Variants in TEX14 observed in about 807,000 individuals in gnomAD.
The protein encoded by TEX14 is inactive serine/threonine-protein kinase TEX14.
A neutral mutation model predicts 178.6 loss-of-function variants in TEX14; 168 were observed. The ratio of observed to expected loss-of-function variants is 0.94; its 90% CI spans 0.83 to 1.07. The LOEUF is 1.07. Ranked by LOEUF, TEX14 falls within the 50% of genes least tolerant of loss-of-function variation. The pLI is 0.00. For synonymous variants in TEX14, 626 were observed against 634.1 expected (o/e 0.99, Z 0.19); for missense variants, 1,730 against 1,753.6 (o/e 0.99, Z 0.24).
In TEX14 at chr17:58,609,802, TG is replaced by T. The variant is rs537194262; in HGVS notation, c.1184+1358del. Among the ~76,000 whole-genome samples the T allele has an allele frequency of 2.3e-3, 354 of 152,340 alleles. 1 individual carries two copies. Among genetic ancestry groups the T allele is most frequent in the African/African-American group, 8.2e-3 (341 of 41,580 alleles). On this transcript the variant is annotated intron_variant, in intron 10 of 31. Transcript: ENST00000349033. ...AGTGCACATACGCAAAGGCCTGTTC[TG>T]GGCATTTGAGATATAGCAGTAAATA...
At chr17:58,671,751 G>T (rs1260087822) in intron 1 of TEX14, among the ~76,000 whole-genome samples, 1 of 152,022 alleles carries the variant, frequency 6.6e-6, no homozygotes, top group Admixed American at 6.6e-5. Flanking sequence ...TCGTTTTCTT[G>T]TTCTATTTTC....
At chr17:58,690,357 G>A (rs1196724146) in intron 1 of TEX14, among the ~76,000 whole-genome samples, 1 of 151,984 alleles carries the variant, frequency 6.6e-6, no homozygotes, top group Non-Finnish European at 1.5e-5. Flanking sequence ...GTAGAGATGG[G>A]GTTTTGCCCT....
chr17:58,593,923 C>T (rs1415281762), intron 14 of TEX14, among the ~76,000 whole-genome samples: 4 of 152,034 alleles, frequency 2.6e-5, no homozygotes, highest in African/African-American at 7.2e-5. Context: ...CAACCTCCGC[C>T]TCTCAGGTTC....
In TEX14 at chr17:58,611,216, G is replaced by A. The variant is rs1196513930; in HGVS notation, c.1129C>T (p.His377Tyr). 3 of 1,613,774 alleles carry A rather than the reference G, an allele frequency of 1.9e-6. No homozygotes were observed. Among genetic ancestry groups the A allele is most frequent in the African/African-American group, 1.3e-5 (1 of 74,892 alleles). Reference sequence around the variant, plus strand: ...CTCGCTTCACCTGGGGAGATGATATGGACAGCATAGGAGCTGAGGGAGCGG... The same window carrying A: ...CTCGCTTCACCTGGGGAGATGATATAGACAGCATAGGAGCTGAGGGAGCGG... ...IHRSLSSYAV[H>Y]IISPGEARLT... The change falls in exon 10 of 32, where the codon CAT (histidine) becomes TAT (tyrosine). Residue 377 changes from histidine to tyrosine, a missense_variant. His to Tyr is a moderately conservative substitution (Grantham distance 83). Around this residue, in one of 2 missense-constraint regions of TEX14, gnomAD observed 789 missense variants for 681.2 expected, o/e 1.16. Transcript: ENST00000349033.
chr17:58,609,330 C>G (rs1318628079), intron 10 of TEX14, among the ~76,000 whole-genome samples: 1 of 152,046 alleles, frequency 6.6e-6, no homozygotes, highest in East Asian at 1.9e-4. Flanking sequence ...AGGATGGTCT[C>G]GATTTCCTGA....
chr17:58,579,173 A>G (rs1419746840), intron 20 of TEX14, among the ~76,000 whole-genome samples: 1 of 152,254 alleles, frequency 6.6e-6, no homozygotes, highest in Non-Finnish European at 1.5e-5. Flanking sequence ...TTGAATCTGC[A>G]TTGTTAACTG....
chr17:58,644,350 T>G (rs544291825), intron 2 of TEX14, among the ~76,000 whole-genome samples: 7 of 152,324 alleles, frequency 4.6e-5, no homozygotes, highest in Admixed American at 2.0e-4. Context: ...TTGTTTTTTT[T>G]GAGACGGAGT....
In TEX14 at chr17:58,569,955, G is replaced by A. The variant is rs987737644; in HGVS notation, c.3817+430C>T. ...ATTTATGTATAAAGAGCAAAAATTG[G>A]AAAATGATATAAATCTTAAACATAA... On this transcript the variant is annotated intron_variant, in intron 25 of 31. Transcript: ENST00000349033. The surrounding 1 kb of genome is among the most constrained non-coding windows in gnomAD (Gnocchi z 4.1). Among the ~76,000 whole-genome samples, 2 of 152,024 alleles carry A rather than the reference G, an allele frequency of 1.3e-5. No individual in the cohort carries two copies. Among genetic ancestry groups the A allele is most frequent in the African/African-American group, 4.8e-5 (2 of 41,406 alleles).
intron 6 of TEX14, 27 bp downstream of exon 6, chr17:58,617,511 C>G (rs1285599311): frequency 6.3e-7 from 1 of 1,575,284 alleles, no homozygotes; most frequent in Non-Finnish European, 8.7e-7. Flanking sequence ...GTCCTGCAAA[C>G]ACTGGCTGTC....
At chr17:58,581,505 C>T in intron 19 of TEX14, 1 of 1,287,202 alleles carries the variant, frequency 7.8e-7, no homozygotes, top group South Asian at 1.3e-5. Flanking sequence ...ATAAAAAATC[C>T]TGGTAGACAT....
At chr17:58,628,855 A>G (rs2046212653) in intron 3 of TEX14, among the ~76,000 whole-genome samples, 1 of 152,050 alleles carries the variant, frequency 6.6e-6, no homozygotes, top group South Asian at 2.1e-4. Context: ...ACTGCACTCC[A>G]GCCTGGGTGA....
chr17:58,613,097 G>C (rs2045785227), intron 9 of TEX14, among the ~76,000 whole-genome samples: 1 of 151,916 alleles, frequency 6.6e-6, no homozygotes, highest in Non-Finnish European at 1.5e-5. Context: ...AGCTACTCGG[G>C]AGGCTGAGGC....
intron 2 of TEX14, among the ~76,000 whole-genome samples, chr17:58,647,628 A>G (rs1020688642): frequency 2.6e-5 from 4 of 152,052 alleles, no homozygotes; most frequent in African/African-American, 9.7e-5. Flanking sequence ...AAAAAAAAAA[A>G]AAAATTTGTT....
At position 58,640,642 on chromosome 17, in the gene TEX14, T is replaced by TGA. The variant is rs141694252; in HGVS notation, c.137-10089_137-10088insTC. Among the ~76,000 whole-genome samples the TGA allele has an allele frequency of 6.4e-3, 916 of 142,282 alleles. 4 individuals are homozygous for TGA. The highest frequency in any genetic ancestry group is 0.016 in the East Asian group (81 of 4,960). 93.3% of individuals were successfully genotyped at this position (142,282 alleles called of 152,430 possible). A position where few individuals can be genotyped will look rare whatever the true frequency, so the allele number is the denominator to read the frequency against. On this transcript the variant is annotated intron_variant, in intron 2 of 31. Coordinates refer to ENST00000349033, the MANE Select transcript of TEX14 (RefSeq NM_031272.5). Reference sequence around the variant, plus strand: ...GTGTGTGTGTGTGTGTGTGTGTGTGTGTGAGAGAGAGAGAGAGAATGATAA... The same window carrying TGA: ...GTGTGTGTGTGTGTGTGTGTGTGTGTGAGTGAGAGAGAGAGAGAGAATGATAA...
chr17:58,624,280 G>A (rs1318912789), intron 3 of TEX14, among the ~76,000 whole-genome samples: 4 of 151,730 alleles, frequency 2.6e-5, no homozygotes, highest in East Asian at 1.9e-4. Flanking sequence ...GAGACAGAGC[G>A]AGACTCTGAA....
intron 2 of TEX14, among the ~76,000 whole-genome samples, chr17:58,649,778 C>T (rs1389705424): frequency 6.6e-6 from 1 of 151,932 alleles, no homozygotes; most frequent in African/African-American, 2.4e-5. Context: ...CTCACTCTGT[C>T]CCCCAGGCTG....
intron 1 of TEX14, among the ~76,000 whole-genome samples, chr17:58,675,994 C>T (rs933829515): frequency 6.6e-6 from 1 of 152,092 alleles, no homozygotes; most frequent in East Asian, 1.9e-4. Flanking sequence ...TATCCCAGCA[C>T]GTTGGGAGGC....
intron 2 of TEX14, among the ~76,000 whole-genome samples, chr17:58,634,176 G>C (rs1323722097): frequency 1.3e-5 from 2 of 152,126 alleles, no homozygotes; most frequent in Non-Finnish European, 2.9e-5. Context: ...ACTTTGGGAA[G>C]CTGAGGTGGG....
intron 26 of TEX14, among the ~76,000 whole-genome samples, chr17:58,567,326 T>C (rs2044423059): frequency 6.6e-6 from 1 of 152,164 alleles, no homozygotes; most frequent in Non-Finnish European, 1.5e-5. Flanking sequence ...CTGAGCTCGT[T>C]GGCATGGTCC....
Sources: gnomAD v4.1 joint callset for allele counts (sites outside exome capture counted in the v4.1 genomes callset) on GRCh38, gnomAD v4.1.1 for gene constraint, gnomAD v4.1.1 regional missense constraint, Gnocchi (gnomAD v3.1) non-coding constraint, MANE v1.5 for transcripts, NCBI Gene and HGNC (gene_info 2026-07-23, HGNC 2026-07-21) for gene names.